The following ATP2A2 variants were observed in gnomAD, a reference collection of about 807,000 sequenced individuals.
The protein encoded by ATP2A2 is sarcoplasmic/endoplasmic reticulum calcium ATPase 2.
A neutral mutation model predicts 109.3 loss-of-function variants in ATP2A2; 14 were observed. The observed-to-expected ratio is 0.13, with a 90% CI of 0.08 to 0.20. The LOEUF (loss-of-function observed/expected upper bound fraction) is 0.20, where lower values mean the gene tolerates loss of function less well. Ranked by LOEUF, ATP2A2 falls within the 10% of genes least tolerant of loss-of-function variation. ATP2A2 has a pLI of 1.00. For missense variants in ATP2A2, 657 were observed against 1,321.6 expected, an observed-to-expected ratio of 0.50 and a Z score of 7.80; for synonymous variants, 506 against 490.9, an observed-to-expected ratio of 1.03 and a Z score of -0.41.
chr12:110,307,327 C>T (rs1481548532), intron 5 of ATP2A2, among the ~76,000 whole-genome samples: 5 of 149,852 alleles, frequency 3.3e-5, no homozygotes, highest in Non-Finnish European at 7.4e-5. Flanking sequence ...GCTTTCCAGG[C>T]TCTAGTGACC....
chr12:110,310,067 T>A lies in ATP2A2; in HGVS notation c.464-12925T>A, dbSNP rs981460493. Among the ~76,000 whole-genome samples, 21 of 152,224 alleles carry A rather than the reference T, an allele frequency of 1.4e-4. 1 individual carries two copies. On this transcript the variant is annotated intron_variant, in intron 5 of 19. Coordinates refer to ENST00000539276, the MANE Select transcript of ATP2A2 (RefSeq NM_170665.4). ...TTATAAGAAATGAACGTCATTGTTT[T>A]TAAGCTTTCTGTATTATCTGCTGAC...
chr12:110,321,136 G>A (rs1160940753), intron 5 of ATP2A2, among the ~76,000 whole-genome samples: 1 of 152,224 alleles, frequency 6.6e-6, no homozygotes, highest in African/African-American at 2.4e-5. Context: ...GCTGAGGCAG[G>A]GGAATCGCTT....
chr12:110,302,625 G>A (rs972564679), intron 5 of ATP2A2, among the ~76,000 whole-genome samples: 1 of 150,432 alleles, frequency 6.6e-6, no homozygotes, highest in African/African-American at 2.4e-5. Flanking sequence ...TTTGAGACAG[G>A]GTCTCACTCT....
intron 5 of ATP2A2, among the ~76,000 whole-genome samples, chr12:110,310,953 C>T (rs1298731019): frequency 1.3e-5 from 2 of 152,104 alleles, no homozygotes; most frequent in Admixed American, 6.5e-5. Flanking sequence ...ATATAAGAAC[C>T]TGGATTATGA....
At chr12:110,344,851 G>A in intron 16 of ATP2A2, 35 bp from the exon 17 acceptor site, 2 of 1,605,032 alleles carry the variant, frequency 1.2e-6, no homozygotes, top group African/African-American at 2.7e-5. Context: ...GCCCTGCAGA[G>A]GCAAGTGCAT....
chr12:110,307,883 T>G (rs1370675203), intron 5 of ATP2A2, among the ~76,000 whole-genome samples: 6 of 152,224 alleles, frequency 3.9e-5, no homozygotes. Flanking sequence ...ATTTGTTGCA[T>G]TTGCTTTTGA....
chr12:110,346,392 G>T lies in ATP2A2; in HGVS notation c.3051G>T (p.Pro1017=), dbSNP rs746737827. ...FSACTDGISW[P]FVLLIMPLVI... is the part of the protein sequence containing the mutation. ...CATGCACCGATGGGATTTCCTGGCC[G>T]TTTGTGCTGCTCATAATGCCCCTGG... The change falls in exon 20 of 20, where the codon CCG becomes CCT. Residue 1017 remains proline (P), a synonymous_variant. Transcript: ENST00000539276. 6.2e-7 allele frequency: 1 copy of T among 1,614,206 alleles called. No individual in the cohort carries two copies. The highest frequency in any genetic ancestry group is 8.5e-7 in the Non-Finnish European group (1 of 1,180,036).
At chr12:110,305,340 T>C (rs550904902) in intron 5 of ATP2A2, among the ~76,000 whole-genome samples, 13 of 152,290 alleles carry the variant, frequency 8.5e-5, no homozygotes, top group Admixed American at 8.5e-4. Context: ...GAGTGGAGGC[T>C]GCAGTGAGCT....
intron 3 of ATP2A2, among the ~76,000 whole-genome samples, chr12:110,287,705 C>T (rs745970532): frequency 4.6e-5 from 7 of 152,112 alleles, no homozygotes; most frequent in Non-Finnish European, 1.0e-4. Flanking sequence ...ACCTCCACCT[C>T]CCAGCTTCAA....
At chr12:110,345,639 C>CT in intron 18 of ATP2A2, 1 of 601,610 alleles carries the variant, frequency 1.7e-6, no homozygotes, top group South Asian at 2.0e-5. Context: ...TTTGGTACCC[C>CT]TGTATGCCAG....
At chr12:110,324,596 A>G (rs535764045) in intron 6 of ATP2A2, among the ~76,000 whole-genome samples, 92 of 151,960 alleles carry the variant, frequency 6.1e-4, no homozygotes, top group Non-Finnish European at 5.9e-5. Context: ...TTATTTTTGT[A>G]TTTTTAGTAG....
chr12:110,326,005 C>T (rs1164882492), intron 6 of ATP2A2: 3 of 209,014 alleles, frequency 1.4e-5, no homozygotes, highest in East Asian at 1.2e-4. Flanking sequence ...AAAAAAGTAT[C>T]AGTATATATG....
chr12:110,288,827 A>G (rs968186762), intron 3 of ATP2A2, among the ~76,000 whole-genome samples: 4 of 152,210 alleles, frequency 2.6e-5, no homozygotes, highest in South Asian at 2.1e-4. Context: ...TCACATTACT[A>G]TAGTACTATA....
chr12:110,345,608 G>A lies in ATP2A2; in HGVS notation c.2741+226G>A, dbSNP rs112720368. ...TAGGAGCTCTTCCTTAAAAGAAACC[G>A]TGGGGGCCAAAAATAGGAACTTTGG... On this transcript the variant is annotated intron_variant, in intron 18 of 19. Transcript: ENST00000539276. The A allele has an allele frequency of 3.8e-4, 265 of 699,468 alleles. 3 individuals are homozygous for A. Among genetic ancestry groups the A allele is most frequent in the African/African-American group, 4.8e-4 (27 of 55,798 alleles). 43.3% of individuals were successfully genotyped at this position (699,468 alleles called of 1,614,324 possible).
chr12:110,292,936 C>T (rs1037121800), intron 4 of ATP2A2, among the ~76,000 whole-genome samples: 5 of 152,108 alleles, frequency 3.3e-5, no homozygotes, highest in Non-Finnish European at 5.9e-5. Context: ...TTTTATTCTC[C>T]TTGGGTTTTT....
Position 110,346,534 on chromosome 12 carries a change from A to C in ATP2A2, c.*64A>C. The stretch of plus-strand genomic sequence containing the variant: ...ATTAATTTTTTTATTGTTTAAAGCA[A>C]CTGTCTATTTCTGCTGAATTTTCAC... On this transcript the variant is annotated 3_prime_UTR_variant, in exon 20 of 20. Transcript: ENST00000539276. The C allele has an allele frequency of 6.3e-7, 1 of 1,598,750 alleles. No homozygotes were observed. The highest frequency in any genetic ancestry group is 1.1e-5 in the South Asian group (1 of 89,284).
intron 4 of ATP2A2, among the ~76,000 whole-genome samples, chr12:110,295,799 T>C (rs1036457717): frequency 6.6e-6 from 1 of 152,182 alleles, no homozygotes; most frequent in Non-Finnish European, 1.5e-5. Flanking sequence ...ATGAGAAATA[T>C]ATAGCTTGGG....
At chr12:110,345,010 G>T in intron 17 of ATP2A2, 39 bp downstream of exon 17, 1 of 1,597,414 alleles carries the variant, frequency 6.3e-7, no homozygotes, top group Non-Finnish European at 8.6e-7. Flanking sequence ...TACATGAGAA[G>T]TGTTGTGAGG....
intron 4 of ATP2A2, among the ~76,000 whole-genome samples, chr12:110,293,873 T>A (rs1449005102): frequency 0.013 from 1,363 of 107,434 alleles, 20 homozygotes; most frequent in African/African-American, 0.022. Flanking sequence ...TGTATATATT[T>A]TTTTTTTTTT....
Sources: allele counts gnomAD v4.1 joint callset (sites outside exome capture counted in the v4.1 genomes callset), GRCh38; gene constraint gnomAD v4.1.1; transcripts MANE v1.5; gene names NCBI Gene and HGNC (gene_info 2026-07-23, HGNC 2026-07-21).